The following GALNTL6 variants were observed in gnomAD, a reference collection of about 807,000 sequenced individuals.
The protein encoded by GALNTL6 is polypeptide N-acetylgalactosaminyltransferase-like 6.
GALNTL6 carries 46 observed loss-of-function variants against 73.7 expected under a neutral mutation model. The ratio of observed to expected loss-of-function variants is 0.62; its 90% confidence interval spans 0.49 to 0.80. The LOEUF is 0.80. Ranked by LOEUF, GALNTL6 falls within the 30% of genes least tolerant of loss-of-function variation. The pLI is 0.00. For synonymous variants in GALNTL6, 259 were observed against 263.7 expected, an observed-to-expected ratio of 0.98 and a Z score of 0.17; for missense variants, 604 against 755.0, an observed-to-expected ratio of 0.80 and a Z score of 2.34.
At chr4:171,992,828 T>C (rs746728317) in intron 2 of GALNTL6, among the ~76,000 whole-genome samples, 19 of 152,044 alleles carry the variant, frequency 1.2e-4, no homozygotes, top group Non-Finnish European at 2.2e-4. Flanking sequence ...TAACAGAGCA[T>C]GTTGATGAGT....
At chr4:171,955,065 C>T (rs1739001928) in intron 2 of GALNTL6, among the ~76,000 whole-genome samples, 1 of 152,048 alleles carries the variant, frequency 6.6e-6, no homozygotes, top group Non-Finnish European at 1.5e-5. Context: ...ATACAGAAGT[C>T]TTAAAATATC....
intron 2 of GALNTL6, among the ~76,000 whole-genome samples, chr4:172,045,484 G>C (rs945918756): frequency 2.0e-5 from 3 of 151,874 alleles, no homozygotes; most frequent in African/African-American, 7.2e-5. Flanking sequence ...CTGACATTTT[G>C]AGATTTTTTT....
chr4:172,943,764 C>A (rs1306115217), intron 9 of GALNTL6, among the ~76,000 whole-genome samples: 9 of 152,158 alleles, frequency 5.9e-5, no homozygotes. Flanking sequence ...AACTTAGCAA[C>A]AACAAACACA....
At chr4:171,867,928 C>T (rs1248024315) in intron 2 of GALNTL6, among the ~76,000 whole-genome samples, 1 of 151,100 alleles carries the variant, frequency 6.6e-6, no homozygotes, top group African/African-American at 2.4e-5. Flanking sequence ...CTTCCTGTAC[C>T]TTTCTTTTTC....
rs574045932 is a variant in GALNTL6, at chr4:171,820,938, TATA to T, written c.138+6226_138+6228del. Among the ~76,000 whole-genome samples, 6 of 152,268 alleles carry T rather than the reference TATA, an allele frequency of 3.9e-5. No individual in the cohort carries two copies. In the South Asian group the frequency reaches 1.2e-3, roughly 32 times the overall value. On this transcript the variant is annotated intron_variant, in intron 2 of 12. Coordinates refer to ENST00000506823, the MANE Select transcript of GALNTL6 (RefSeq NM_001034845.3). Reference sequence around the variant, plus strand: ...TGAAATCTAGAAATCCAGAGAAAATTATAATAATTTTGAATTTTTTCATTATAT... The same window carrying T: ...TGAAATCTAGAAATCCAGAGAAAATTATAATTTTGAATTTTTTCATTATAT...
chr4:172,079,567 A>G (rs184723867), intron 2 of GALNTL6, among the ~76,000 whole-genome samples: 4 of 152,136 alleles, frequency 2.6e-5, no homozygotes, highest in Admixed American at 1.3e-4. Context: ...TCTTACCACA[A>G]TTTTGCGATA....
chr4:172,009,745 G>T (rs1740949316), intron 2 of GALNTL6, among the ~76,000 whole-genome samples: 1 of 152,032 alleles, frequency 6.6e-6, no homozygotes, highest in Admixed American at 6.6e-5. Context: ...AGGCACGTAT[G>T]TGGCTTATTT....
intron 2 of GALNTL6, among the ~76,000 whole-genome samples, chr4:172,016,910 A>G (rs1236479221): frequency 6.6e-6 from 1 of 152,034 alleles, no homozygotes; most frequent in East Asian, 1.9e-4. Context: ...TTTAGTGGTT[A>G]TATTCTTGAT....
intron 5 of GALNTL6, among the ~76,000 whole-genome samples, chr4:172,580,101 C>T (rs1461679866): frequency 6.6e-6 from 1 of 152,142 alleles, no homozygotes; most frequent in African/African-American, 2.4e-5. Context: ...GCTATTTAAA[C>T]AGATGCCTCA....
intron 2 of GALNTL6, among the ~76,000 whole-genome samples, chr4:171,904,500 G>A (rs541900978): frequency 1.3e-5 from 2 of 152,326 alleles, no homozygotes; most frequent in African/African-American, 4.8e-5. Context: ...TATGTGAAAA[G>A]ACCAAATCTG....
In GALNTL6 at chr4:171,923,786, CTGTGTGTG is replaced by C. The variant is rs563244976; in HGVS notation, c.138+109102_138+109109del. The stretch of plus-strand genomic sequence containing the variant: ...CTACCAGGACACACAAAAAGTATTG[CTGTGTGTG>C]TGTGTGTGTGTGTGTGTGTGTGTGT... On this transcript the variant is annotated intron_variant, in intron 2 of 12. Coordinates refer to ENST00000506823, the MANE Select transcript of GALNTL6 (RefSeq NM_001034845.3). Among the ~76,000 whole-genome samples, 497 of 133,288 alleles carry C rather than the reference CTGTGTGTG, an allele frequency of 3.7e-3. 4 individuals are homozygous for C. The highest frequency in any genetic ancestry group is 0.013 in the African/African-American group (448 of 34,268). The allele number at this position is 133,288 out of a possible 152,430, so 87.4% of individuals were successfully genotyped here. A position where few individuals can be genotyped will look rare whatever the true frequency, so the allele number is the denominator to read the frequency against.
Position 172,358,261 on chromosome 4 carries a change from G to T in GALNTL6, c.553+9572G>T, listed in dbSNP as rs1210723032. 2.0e-5 allele frequency among the ~76,000 whole-genome samples: 3 copies of T among 152,276 alleles called. No individual in the cohort carries two copies. The East Asian group carries it at 5.8e-4, about 29-fold the overall frequency. On this transcript the variant is annotated intron_variant, in intron 5 of 12. Transcript: ENST00000506823. ...AAGCTGGATTACAGAAACCAGGTAT[G>T]ATTTCACTATTAAGAAAAATATTTC...
At chr4:171,983,492 A>T (rs1739977640) in intron 2 of GALNTL6, among the ~76,000 whole-genome samples, 1 of 150,608 alleles carries the variant, frequency 6.6e-6, no homozygotes, top group Non-Finnish European at 1.5e-5. Context: ...TTATTTATTT[A>T]TTTATTTATT....
At position 172,369,908 on chromosome 4, in the gene GALNTL6, A is replaced by G. The variant is rs1329587414; in HGVS notation, c.553+21219A>G. Among the ~76,000 whole-genome samples the G allele has an allele frequency of 3.3e-5, 5 of 152,280 alleles. No individual in the cohort carries two copies. In the South Asian group the frequency reaches 6.2e-4, roughly 19 times the overall value. On this transcript the variant is annotated intron_variant, in intron 5 of 12. Coordinates refer to ENST00000506823, the MANE Select transcript of GALNTL6 (RefSeq NM_001034845.3). ...GGCTCCGGCCTCGGCCAACCCAGAG[A>G]GGGGCTCCCACAGTGCAGCAGCAGG...
chr4:172,304,422 T>TG (rs935182284), intron 3 of GALNTL6, among the ~76,000 whole-genome samples: 96 of 5,204 alleles, frequency 0.018, no homozygotes, highest in African/African-American at 0.029. Context: ...AAGTAGTATA[T>TG]GGGAAAAAAA....
chr4:172,587,078 G>T (rs1471318342), intron 5 of GALNTL6, among the ~76,000 whole-genome samples: 1 of 152,186 alleles, frequency 6.6e-6, no homozygotes, highest in Non-Finnish European at 1.5e-5. Context: ...GGAAATGAAT[G>T]TGAAGAATGC....
chr4:172,450,134 T>C (rs1384015032), intron 5 of GALNTL6, among the ~76,000 whole-genome samples: 1 of 151,812 alleles, frequency 6.6e-6, no homozygotes, highest in Non-Finnish European at 1.5e-5. Flanking sequence ...GGAGAATTGC[T>C]TGAACCCGGG....
chr4:172,839,058 C>T (rs1449084049), intron 7 of GALNTL6, among the ~76,000 whole-genome samples: 1 of 152,140 alleles, frequency 6.6e-6, no homozygotes, highest in Non-Finnish European at 1.5e-5. Context: ...GTTGTCATAA[C>T]AGCCAGAGAG....
At position 172,440,414 on chromosome 4, in the gene GALNTL6, A is replaced by G. The variant is rs1165812609; in HGVS notation, c.553+91725A>G. Reference sequence around the variant, plus strand: ...CTACATACTATATGATTCCAGCTATATGACATAATGGAAAAGGCAAAACTA... The same window carrying G: ...CTACATACTATATGATTCCAGCTATGTGACATAATGGAAAAGGCAAAACTA... On this transcript the variant is annotated intron_variant, in intron 5 of 12. Transcript: ENST00000506823. Among the ~76,000 whole-genome samples the G allele has an allele frequency of 3.9e-5, 6 of 152,134 alleles. 1 individual carries two copies. The highest frequency in any genetic ancestry group is 9.7e-5 in the African/African-American group (4 of 41,448).
Sources: gnomAD v4.1 joint callset for allele counts (sites outside exome capture counted in the v4.1 genomes callset) on GRCh38, gnomAD v4.1.1 for gene constraint, MANE v1.5 for transcripts, NCBI Gene and HGNC (gene_info 2026-07-23, HGNC 2026-07-21) for gene names.